RAD51B: variants seen among roughly 807,000 people sequenced by gnomAD.
RAD51B encodes RAD51 paralog B, also known as DNA repair protein RAD51 homolog 2.
Under a neutral mutation model 42.2 loss-of-function variants are expected in RAD51B, and 38 were observed. That is an observed-to-expected ratio of 0.90 (90% CI 0.70 to 1.18). The LOEUF (loss-of-function observed/expected upper bound fraction) is 1.18, where lower values mean the gene tolerates loss of function less well. RAD51B is among the 50% of genes most tolerant of loss of function. The pLI is 0.00. For missense variants in RAD51B, 373 were observed against 400.7 expected (o/e 0.93, Z 0.59); for synonymous variants, 154 against 145.2 (o/e 1.06, Z -0.43).
chr14:68,451,851 T>C (rs1028841909), intron 9 of RAD51B, among the ~76,000 whole-genome samples: 2 of 152,220 alleles, frequency 1.3e-5, no homozygotes, highest in Non-Finnish European at 2.9e-5. Flanking sequence ...CATAGAAACA[T>C]GTTGCCTTCC....
intron 7 of RAD51B, among the ~76,000 whole-genome samples, chr14:68,089,128 AC>A (rs1193974124): frequency 6.6e-6 from 1 of 151,698 alleles, no homozygotes; most frequent in Non-Finnish European, 1.5e-5. Context: ...CTCATTAGTC[AC>A]TCCAACTTTG....
At chr14:68,447,592 G>A (rs1411947952) in intron 9 of RAD51B, among the ~76,000 whole-genome samples, 1 of 152,122 alleles carries the variant, frequency 6.6e-6, no homozygotes, top group African/African-American at 2.4e-5. Flanking sequence ...TAACTAAAAA[G>A]CATTAAACTT....
intron 5 of RAD51B, among the ~76,000 whole-genome samples, chr14:67,872,934 C>T (rs376968368): frequency 2.6e-5 from 4 of 152,086 alleles, no homozygotes; most frequent in African/African-American, 4.8e-5. Context: ...ATACAAAAAT[C>T]AATTCAAGAT....
chr14:68,285,246 G>T (rs1425570795), intron 7 of RAD51B, among the ~76,000 whole-genome samples: 1 of 152,168 alleles, frequency 6.6e-6, no homozygotes, highest in Non-Finnish European at 1.5e-5. Flanking sequence ...AACAGAGCCA[G>T]GATTAAAACT....
intron 7 of RAD51B, among the ~76,000 whole-genome samples, chr14:68,276,550 T>A (rs1236846875): frequency 6.6e-6 from 1 of 152,256 alleles, no homozygotes; most frequent in Non-Finnish European, 1.5e-5. Flanking sequence ...ATTCAGCTTT[T>A]ATTTCAACTA....
intron 5 of RAD51B, among the ~76,000 whole-genome samples, chr14:67,877,247 G>A (rs1288680116): frequency 2.6e-5 from 4 of 152,074 alleles, no homozygotes; most frequent in Admixed American, 2.6e-4. Flanking sequence ...CTCAGTTGAT[G>A]CATACAGCAG....
At chr14:68,535,326 A>G (rs1315484676) in intron 10 of RAD51B, among the ~76,000 whole-genome samples, 3 of 152,000 alleles carry the variant, frequency 2.0e-5, no homozygotes, top group Admixed American at 6.6e-5. Flanking sequence ...TTCATCTCCT[A>G]TTGTGATTGT....
At position 68,252,573 on chromosome 14, in the gene RAD51B, A is replaced by G. The variant is rs186672359; in HGVS notation, c.757-39311A>G. Among the ~76,000 whole-genome samples the G allele has an allele frequency of 7.2e-5, 11 of 152,338 alleles. No homozygotes were observed. In the East Asian group the frequency reaches 2.1e-3, roughly 29 times the overall value. On this transcript the variant is annotated intron_variant, in intron 7 of 10. Coordinates refer to ENST00000471583, the MANE Select transcript of RAD51B (RefSeq NM_133510.4). ...ATGGTATTTTAATAGGGTCACACTT[A>G]TATAAACTGTTTTGCAACTTGTTTC... is the stretch of plus-strand genomic sequence containing the variant.
chr14:67,948,303 T>C (rs1416582434), intron 7 of RAD51B, among the ~76,000 whole-genome samples: 1 of 152,174 alleles, frequency 6.6e-6, no homozygotes, highest in Non-Finnish European at 1.5e-5. Flanking sequence ...TGAACTTCTC[T>C]GGTTGTAGAA....
At chr14:67,831,171 G>T (rs567023041) in intron 3 of RAD51B, among the ~76,000 whole-genome samples, 4 of 151,532 alleles carry the variant, frequency 2.6e-5, no homozygotes, top group African/African-American at 7.3e-5. Context: ...CACCGCCCCC[G>T]GCCAGTACTT....
intron 10 of RAD51B, among the ~76,000 whole-genome samples, chr14:68,470,991 C>T (rs1014548450): frequency 1.3e-5 from 2 of 152,180 alleles, no homozygotes. Context: ...TGCATGATTC[C>T]CCAGGTTTAA....
At chr14:67,932,815 A>G (rs1390836633) in intron 7 of RAD51B, among the ~76,000 whole-genome samples, 1 of 152,148 alleles carries the variant, frequency 6.6e-6, no homozygotes, top group East Asian at 1.9e-4. Context: ...ATGTTCACGT[A>G]TGAGTCTAAG....
At chr14:68,394,880 G>A (rs183715708) in intron 8 of RAD51B, among the ~76,000 whole-genome samples, 1 of 152,190 alleles carries the variant, frequency 6.6e-6, no homozygotes, top group Non-Finnish European at 1.5e-5. Flanking sequence ...TCCCTCTGCA[G>A]CCACAGCTGC....
intron 4 of RAD51B, among the ~76,000 whole-genome samples, chr14:67,840,318 G>T (rs1053683824): frequency 6.6e-6 from 1 of 152,008 alleles, no homozygotes; most frequent in Non-Finnish European, 1.5e-5. Context: ...AGTGTTGATT[G>T]TTCCCATCTT....
rs532816404 is a variant in RAD51B, at chr14:68,057,361, A to C, written c.756+170157A>C. On this transcript the variant is annotated intron_variant, in intron 7 of 10. Transcript: ENST00000471583. ...GATGGTTTCTAAAATGTGTTGTATT[A>C]ATGTATAATGTAAACTTTAATAAAT... Among the ~76,000 whole-genome samples the C allele has an allele frequency of 1.8e-4, 28 of 152,282 alleles. No individual in the cohort carries two copies. In the East Asian group the frequency reaches 3.9e-3, roughly 21 times the overall value.
chr14:68,034,911 C>T (rs2140378776), intron 7 of RAD51B, among the ~76,000 whole-genome samples: 1 of 152,154 alleles, frequency 6.6e-6, no homozygotes, highest in South Asian at 2.1e-4. Flanking sequence ...GCACATTTAT[C>T]ACCATGCACC....
chr14:68,609,094 G>GC (rs944121425), intron 10 of RAD51B, among the ~76,000 whole-genome samples: 5 of 151,976 alleles, frequency 3.3e-5, no homozygotes, highest in Non-Finnish European at 5.9e-5. Context: ...TGGCTCTTGT[G>GC]CCCCCGCCTC....
chr14:68,618,499 G>A (rs1188076219), intron 10 of RAD51B, among the ~76,000 whole-genome samples: 1 of 152,150 alleles, frequency 6.6e-6, no homozygotes, highest in African/African-American at 2.4e-5. Context: ...GGAGGGTAAT[G>A]CCTCTTCAAT....
At chr14:68,039,750 T>A (rs2076189814) in intron 7 of RAD51B, among the ~76,000 whole-genome samples, 1 of 152,242 alleles carries the variant, frequency 6.6e-6, no homozygotes, top group African/African-American at 2.4e-5. Context: ...ACTGTACTAC[T>A]CATAATATGC....
Sources: allele counts gnomAD v4.1 joint callset (sites outside exome capture counted in the v4.1 genomes callset), GRCh38; gene constraint gnomAD v4.1.1; transcripts MANE v1.5; gene names NCBI Gene and HGNC (gene_info 2026-07-23, HGNC 2026-07-21).